The following SPIN1 variants were observed in gnomAD, a reference collection of about 807,000 sequenced individuals.
SPIN1 encodes spindlin 1, also known as spindlin-1.
SPIN1 carries 3 observed loss-of-function variants against 26.0 expected under a neutral mutation model. That is an observed-to-expected ratio of 0.12 (90% confidence interval 0.05 to 0.30). The LOEUF (loss-of-function observed/expected upper bound fraction) is 0.30, where lower values mean the gene tolerates loss of function less well. Ranked by LOEUF, SPIN1 falls within the 10% of genes least tolerant of loss-of-function variation. SPIN1 has a pLI of 1.00. For missense variants in SPIN1, 126 were observed against 333.4 expected (o/e 0.38, Z 4.84); for synonymous variants, 101 against 116.5 (o/e 0.87, Z 0.86).
At chr9:88,414,369 A>G (rs770552262) in intron 1 of SPIN1, among the ~76,000 whole-genome samples, 2 of 152,200 alleles carry the variant, frequency 1.3e-5, no homozygotes, top group Admixed American at 6.5e-5. Flanking sequence ...TCTTGTTAAC[A>G]TAAACTAGGT....
intron 3 of SPIN1, among the ~76,000 whole-genome samples, chr9:88,453,013 G>A (rs898892625): frequency 2.4e-4 from 37 of 152,272 alleles, no homozygotes; most frequent in African/African-American, 7.7e-4. Context: ...GTCTGTAAAT[G>A]TTGGCTACCA....
At chr9:88,411,080 A>G in intron 1 of SPIN1, 1 of 1,548,886 alleles carries the variant, frequency 6.5e-7, no homozygotes, top group Non-Finnish European at 8.8e-7. Context: ...AGTTTTTCAG[A>G]ACTGTTTAAA....
chr9:88,403,060 G>A (rs1005895315), intron 1 of SPIN1, among the ~76,000 whole-genome samples: 1 of 152,070 alleles, frequency 6.6e-6, no homozygotes, highest in East Asian at 1.9e-4. Flanking sequence ...ACTGATGTGA[G>A]CATTTTTTCA....
chr9:88,441,560 C>G (rs1236923827), intron 2 of SPIN1, among the ~76,000 whole-genome samples: 1 of 151,738 alleles, frequency 6.6e-6, no homozygotes, highest in Admixed American at 6.6e-5. Context: ...GAGTTCGAGA[C>G]CAGTCTGGGC....
At chr9:88,435,269 GC>G (rs994579254) in intron 2 of SPIN1, among the ~76,000 whole-genome samples, 17 of 151,418 alleles carry the variant, frequency 1.1e-4, no homozygotes, top group Middle Eastern at 6.8e-3. Flanking sequence ...AGGCTGGAGA[GC>G]AGTGGCACGA....
rs1300682219 is a variant in SPIN1, at chr9:88,455,396, C to T, written c.101+6407C>T. Among the ~76,000 whole-genome samples the T allele has an allele frequency of 3.9e-5, 6 of 152,242 alleles. No homozygotes were observed. The South Asian group carries it at 6.2e-4, about 16-fold the overall frequency. On this transcript the variant is annotated intron_variant, in intron 3 of 5. Coordinates refer to ENST00000375859, the MANE Select transcript of SPIN1 (RefSeq NM_006717.3). ...GCTTGAACCGGGGAGACAGAGGTTG[C>T]GGTGAGCTGAGATCACGCCATTGCA...
intron 1 of SPIN1, among the ~76,000 whole-genome samples, chr9:88,388,974 A>T (rs1193233029): frequency 1.4e-5 from 2 of 145,226 alleles, no homozygotes; most frequent in African/African-American, 2.5e-5. Flanking sequence ...GGGGAGGGGG[A>T]ACGTTGCATA....
In SPIN1 at chr9:88,462,758, T is replaced by C; in HGVS notation, c.355+9T>C. 3 of 1,593,946 alleles carry C rather than the reference T, an allele frequency of 1.9e-6. No homozygotes were observed. The highest frequency in any genetic ancestry group is 1.7e-6 in the Non-Finnish European group (2 of 1,171,368). On this transcript the variant is annotated intron_variant, in intron 4 of 5. Coordinates refer to ENST00000375859, the MANE Select transcript of SPIN1 (RefSeq NM_006717.3). ...CCTCCCTGATAGAGTTGGTAAGTTC[T>C]TTTTATAATTTGTGCATTATATACT...
rs1227599887 is a variant in SPIN1 at position 88,478,111 on chromosome 9, A to G, written c.*2834A>G. 6.6e-6 allele frequency: 1 copy of G among 152,268 alleles called. No individual in the cohort carries two copies. The highest frequency in any genetic ancestry group is 1.5e-5 in the Non-Finnish European group (1 of 68,014). The allele number at this position is 152,268 out of a possible 1,614,324, so 9.4% of individuals were successfully genotyped here. A position where few individuals can be genotyped will look rare whatever the true frequency, so the allele number is the denominator to read the frequency against. ...TAGTGCCAACAGAAGGTGATTTTCC[A>G]GTTGTAAATGTCATGCAGCATTTGA... On this transcript the variant is annotated 3_prime_UTR_variant, in exon 6 of 6. Transcript: ENST00000375859.
chr9:88,403,003 T>G (rs1195011406), intron 1 of SPIN1, among the ~76,000 whole-genome samples: 1 of 152,216 alleles, frequency 6.6e-6, no homozygotes, highest in Non-Finnish European at 1.5e-5. Flanking sequence ...CTAACTGTGG[T>G]AAGGTGCTAT....
Position 88,476,258 on chromosome 9 carries a change from T to G in SPIN1, c.*981T>G, listed in dbSNP as rs1164876800. On this transcript the variant is annotated 3_prime_UTR_variant, in exon 6 of 6. Transcript: ENST00000375859. ...CAACAATCCATCACTGGTTTGTGTG[T>G]TTTTGGTTAAGTTTCTGGAAGAATA... is the stretch of plus-strand genomic sequence containing the variant. 6.6e-6 allele frequency: 1 copy of G among 152,212 alleles called. No individual in the cohort carries two copies. Among genetic ancestry groups the G allele is most frequent in the African/African-American group, 2.4e-5 (1 of 41,462 alleles). The allele number at this position is 152,212 out of a possible 1,614,324, so 9.4% of individuals were successfully genotyped here. A position where few individuals can be genotyped will look rare whatever the true frequency, so the allele number is the denominator to read the frequency against.
chr9:88,401,262 TAGAA>T (rs1252076740), intron 1 of SPIN1, among the ~76,000 whole-genome samples: 3 of 152,156 alleles, frequency 2.0e-5, no homozygotes, highest in Non-Finnish European at 4.4e-5. Flanking sequence ...CGAGAAAAAT[TAGAA>T]ACAACTGTCC....
chr9:88,472,473 A>G (rs897091047), intron 5 of SPIN1, among the ~76,000 whole-genome samples: 14 of 151,104 alleles, frequency 9.3e-5, no homozygotes, highest in African/African-American at 3.4e-4. Context: ...ACCTCAGGTG[A>G]GCCGCCGCGC....
chr9:88,474,047 G>A (rs939092962), intron 5 of SPIN1, among the ~76,000 whole-genome samples: 1 of 152,130 alleles, frequency 6.6e-6, no homozygotes, highest in Non-Finnish European at 1.5e-5. Context: ...TATTGTAACC[G>A]AAGAGGCAGA....
At chr9:88,463,037 G>T (rs1344761654) in intron 4 of SPIN1, among the ~76,000 whole-genome samples, 1 of 151,950 alleles carries the variant, frequency 6.6e-6, no homozygotes, top group Non-Finnish European at 1.5e-5. Flanking sequence ...GACTCTGATG[G>T]GTAAGGTTAT....
At chr9:88,425,452 G>C (rs1827745791) in intron 1 of SPIN1, among the ~76,000 whole-genome samples, 1 of 152,060 alleles carries the variant, frequency 6.6e-6, no homozygotes, top group South Asian at 2.1e-4. Context: ...GGCCGAGGCA[G>C]GTGGATCACA....
At position 88,449,134 on chromosome 9, in the gene SPIN1, G is replaced by A. The variant is rs187361896; in HGVS notation, c.101+145G>A. Reference sequence around the variant, plus strand: ...TGTAGTGTGCGATGAGGAATAGTATGTAGTCATCTTCTCTGTCTCTTCCCT... The same window carrying A: ...TGTAGTGTGCGATGAGGAATAGTATATAGTCATCTTCTCTGTCTCTTCCCT... On this transcript the variant is annotated intron_variant, in intron 3 of 5. Transcript: ENST00000375859. The A allele has an allele frequency of 8.6e-6, 6 of 695,148 alleles. No homozygotes were observed. The East Asian group carries it at 1.1e-4, about 13-fold the overall frequency. 43.1% of individuals were successfully genotyped at this position (695,148 alleles called of 1,614,324 possible).
intron 5 of SPIN1, among the ~76,000 whole-genome samples, chr9:88,473,965 T>A (rs1359010599): frequency 6.6e-6 from 1 of 152,242 alleles, no homozygotes; most frequent in Admixed American, 6.5e-5. Context: ...GATGTTTTAT[T>A]TTTATTTCTT....
At chr9:88,454,996 C>A (rs1828442099) in intron 3 of SPIN1, among the ~76,000 whole-genome samples, 1 of 152,160 alleles carries the variant, frequency 6.6e-6, no homozygotes, top group Admixed American at 6.6e-5. Flanking sequence ...AACAGATATT[C>A]TTTAATCCTT....
Sources: gnomAD v4.1 joint callset for allele counts (sites outside exome capture counted in the v4.1 genomes callset) on GRCh38, gnomAD v4.1.1 for gene constraint, MANE v1.5 for transcripts, NCBI Gene and HGNC (gene_info 2026-07-23, HGNC 2026-07-21) for gene names.